Variants in UNC5C observed in about 807,000 individuals in gnomAD.
The protein encoded by UNC5C is netrin receptor UNC5C.
A neutral mutation model predicts 99.8 loss-of-function variants in UNC5C; 47 were observed. The ratio of observed to expected loss-of-function variants is 0.47; its 90% CI spans 0.37 to 0.60. The LOEUF (loss-of-function observed/expected upper bound fraction) is 0.60. UNC5C is among the 20% of genes least tolerant of loss of function. The pLI, the probability that UNC5C is intolerant of heterozygous loss-of-function variation, is 0.00. For missense variants in UNC5C, 1,062 were observed against 1,165.9 expected, an observed-to-expected ratio of 0.91 and a Z score of 1.30; for synonymous variants, 487 against 452.2, an observed-to-expected ratio of 1.08 and a Z score of -0.98.
chr4:95,459,000 T>A (rs1747520691), intron 1 of UNC5C, among the ~76,000 whole-genome samples: 1 of 152,136 alleles, frequency 6.6e-6, no homozygotes, highest in Admixed American at 6.5e-5. Context: ...ATCTTGAAAT[T>A]CTGAACTAGG....
intron 1 of UNC5C, among the ~76,000 whole-genome samples, chr4:95,426,896 G>A (rs1431538897): frequency 1.3e-5 from 2 of 152,222 alleles, no homozygotes; most frequent in Non-Finnish European, 2.9e-5. Flanking sequence ...GAAACAGCAA[G>A]TGCTGATGTA....
intron 4 of UNC5C, among the ~76,000 whole-genome samples, chr4:95,254,305 C>G (rs1057322259): frequency 6.6e-6 from 1 of 152,172 alleles, no homozygotes; most frequent in Admixed American, 6.5e-5. Flanking sequence ...ACCCTCCATC[C>G]TGCAATGACC....
chr4:95,206,144 G>C (rs1383403529), intron 11 of UNC5C, among the ~76,000 whole-genome samples: 1 of 151,720 alleles, frequency 6.6e-6, no homozygotes, highest in Non-Finnish European at 1.5e-5. Flanking sequence ...GGGATTATAG[G>C]CACATGCCAC....
intron 4 of UNC5C, among the ~76,000 whole-genome samples, chr4:95,259,505 C>T (rs1485069805): frequency 6.6e-6 from 1 of 152,132 alleles, no homozygotes; most frequent in Non-Finnish European, 1.5e-5. Context: ...GGTTATAACT[C>T]TTCAAGATTG....
At chr4:95,513,052 C>T (rs552959464) in intron 1 of UNC5C, among the ~76,000 whole-genome samples, 13 of 152,276 alleles carry the variant, frequency 8.5e-5, no homozygotes, top group African/African-American at 3.1e-4. Context: ...ACAACCTCCA[C>T]AAGTGGTTTG....
intron 1 of UNC5C, among the ~76,000 whole-genome samples, chr4:95,473,322 G>A (rs1748032281): frequency 6.6e-6 from 1 of 152,050 alleles, no homozygotes; most frequent in Admixed American, 6.6e-5. Flanking sequence ...TTCATCCATG[G>A]TAACCTGGGG....
chr4:95,282,570 G>C (rs1741097242), intron 3 of UNC5C, among the ~76,000 whole-genome samples: 1 of 152,208 alleles, frequency 6.6e-6, no homozygotes, highest in South Asian at 2.1e-4. Flanking sequence ...AAGATCCAGG[G>C]ATAATTGTCC....
At chr4:95,422,535 A>C (rs762683362) in intron 1 of UNC5C, among the ~76,000 whole-genome samples, 1 of 149,724 alleles carries the variant, frequency 6.7e-6, no homozygotes, top group Non-Finnish European at 1.5e-5. Flanking sequence ...GCCACTGATT[A>C]GATTTGCAAC....
intron 7 of UNC5C, among the ~76,000 whole-genome samples, chr4:95,229,636 T>C (rs1341155599): frequency 6.6e-6 from 1 of 152,122 alleles, no homozygotes; most frequent in Non-Finnish European, 1.5e-5. Flanking sequence ...CCTTTGTGTA[T>C]ACACCCAGTA....
rs368278584 is a variant in UNC5C, at chr4:95,399,762, T to A, written c.125-64131A>T. Among the ~76,000 whole-genome samples, 27 of 152,320 alleles carry A rather than the reference T, an allele frequency of 1.8e-4. No individual in the cohort carries two copies. In the South Asian group the frequency reaches 4.1e-3, roughly 23 times the overall value. On this transcript the variant is annotated intron_variant, in intron 1 of 15. Coordinates refer to ENST00000453304, the MANE Select transcript of UNC5C (RefSeq NM_003728.4). ...AACTTCAAAGTACTTTTTCTTATTC[T>A]CTTTTATAGCACCAGAGTGGATTTT...
intron 1 of UNC5C, among the ~76,000 whole-genome samples, chr4:95,399,812 C>T (rs186311382): frequency 2.0e-4 from 30 of 152,218 alleles, no homozygotes; most frequent in Admixed American, 1.9e-3. Context: ...TTCTTAGAAC[C>T]CTGCTCCTTT....
chr4:95,376,895 C>T (rs1489433530), intron 1 of UNC5C, among the ~76,000 whole-genome samples: 1 of 152,104 alleles, frequency 6.6e-6, no homozygotes, highest in Non-Finnish European at 1.5e-5. Context: ...TCAGCTGAGC[C>T]CAAGAGCCCC....
intron 1 of UNC5C, among the ~76,000 whole-genome samples, chr4:95,530,397 A>C (rs966395970): frequency 1.3e-5 from 2 of 152,220 alleles, no homozygotes; most frequent in Non-Finnish European, 2.9e-5. Flanking sequence ...CAGTTCCACA[A>C]AGTTCATTCA....
chr4:95,532,447 A>AT (rs1451145996), intron 1 of UNC5C, among the ~76,000 whole-genome samples: 1 of 111,336 alleles, frequency 9.0e-6, no homozygotes, highest in Non-Finnish European at 1.8e-5. Context: ...ACCCAACATC[A>AT]TTAAAAAAAA....
chr4:95,264,206 T>G (rs1320869290), intron 4 of UNC5C, among the ~76,000 whole-genome samples: 1 of 122,026 alleles, frequency 8.2e-6, no homozygotes, highest in African/African-American at 2.5e-5. Flanking sequence ...CCAACAAAAA[T>G]AGGGTCATCC....
chr4:95,387,669 A>T (rs947045551), intron 1 of UNC5C, among the ~76,000 whole-genome samples: 4 of 152,336 alleles, frequency 2.6e-5, no homozygotes, highest in African/African-American at 4.8e-5. Flanking sequence ...TGTCCCATGA[A>T]CTTTTGTAAT....
chr4:95,304,602 G>T (rs1741989602), intron 2 of UNC5C, among the ~76,000 whole-genome samples: 1 of 151,754 alleles, frequency 6.6e-6, no homozygotes, highest in Admixed American at 6.6e-5. Context: ...TCTGATGTTT[G>T]ATGGTTTTTC....
At chr4:95,350,760 C>A (rs1216927187) in intron 1 of UNC5C, among the ~76,000 whole-genome samples, 1 of 152,124 alleles carries the variant, frequency 6.6e-6, no homozygotes, top group Non-Finnish European at 1.5e-5. Context: ...CACATGCTCT[C>A]TTCTCTGGAA....
chr4:95,249,319 C>T (rs1293763618), intron 5 of UNC5C, among the ~76,000 whole-genome samples: 1 of 152,138 alleles, frequency 6.6e-6, no homozygotes, highest in Non-Finnish European at 1.5e-5. Context: ...TGGGTCTCCC[C>T]CTCCTTCAGT....
Sources: allele counts gnomAD v4.1 joint callset (sites outside exome capture counted in the v4.1 genomes callset), GRCh38; gene constraint gnomAD v4.1.1; transcripts MANE v1.5; gene names NCBI Gene and HGNC (gene_info 2026-07-23, HGNC 2026-07-21).